The following EXOC2 variants were observed in gnomAD, a reference collection of about 807,000 sequenced individuals.
The protein encoded by EXOC2 is exocyst complex component 2.
EXOC2 carries 70 observed loss-of-function variants against 131.8 expected under a neutral mutation model. The observed-to-expected ratio is 0.53, with a 90% CI of 0.44 to 0.65. The LOEUF is 0.65. EXOC2 is among the 30% of genes least tolerant of loss of function. The pLI is 0.00. For synonymous variants in EXOC2, 411 were observed against 398.4 expected, an observed-to-expected ratio of 1.03 and a Z score of -0.38; for missense variants, 923 against 1,108.6, an observed-to-expected ratio of 0.83 and a Z score of 2.38.
At chr6:649,481 T>C (rs1406693689) in intron 1 of EXOC2, among the ~76,000 whole-genome samples, 1 of 152,102 alleles carries the variant, frequency 6.6e-6, no homozygotes, top group Non-Finnish European at 1.5e-5. Context: ...CACACTTACG[T>C]ACTATCCATT....
intron 5 of EXOC2, among the ~76,000 whole-genome samples, chr6:618,965 T>C (rs899485072): frequency 6.6e-6 from 1 of 152,254 alleles, no homozygotes; most frequent in Non-Finnish European, 1.5e-5. Flanking sequence ...AAATTGGATA[T>C]ATGACCTTGT....
intron 22 of EXOC2, among the ~76,000 whole-genome samples, chr6:546,426 G>A (rs988803062): frequency 6.6e-6 from 1 of 152,168 alleles, no homozygotes; most frequent in Non-Finnish European, 1.5e-5. Context: ...ATTCAATGTG[G>A]TTTCATAAAG....
At chr6:605,157 A>T (rs1760331926) in intron 7 of EXOC2, among the ~76,000 whole-genome samples, 1 of 152,188 alleles carries the variant, frequency 6.6e-6, no homozygotes, top group Admixed American at 6.5e-5. Flanking sequence ...TATTCTTACT[A>T]CTCAGAGAGG....
intron 21 of EXOC2, among the ~76,000 whole-genome samples, chr6:550,310 G>A (rs1474924700): frequency 6.6e-6 from 1 of 152,060 alleles, no homozygotes; most frequent in Admixed American, 6.5e-5. Flanking sequence ...TTGGATATGT[G>A]AAAAAAGATA....
At chr6:645,591 CT>C (rs70985807) in intron 1 of EXOC2, among the ~76,000 whole-genome samples, 101,773 of 151,160 alleles carry the variant, frequency 0.67, 34,597 homozygotes, top group Middle Eastern at 0.81. Flanking sequence ...GGAAGCAACC[CT>C]TTTTTTTTTG....
intron 1 of EXOC2, among the ~76,000 whole-genome samples, chr6:665,917 A>G (rs1763624552): frequency 6.6e-6 from 1 of 152,140 alleles, no homozygotes; most frequent in Non-Finnish European, 1.5e-5. Flanking sequence ...CTGTACCCCA[A>G]TAACTTACAG....
intron 17 of EXOC2, among the ~76,000 whole-genome samples, chr6:557,171 C>G (rs189952188): frequency 6.6e-6 from 1 of 152,216 alleles, no homozygotes; most frequent in South Asian, 2.1e-4. Flanking sequence ...CCAGGAACTA[C>G]TCTAGGTTAA....
chr6:548,274 AG>A (rs1291172613), intron 22 of EXOC2, among the ~76,000 whole-genome samples: 1 of 152,216 alleles, frequency 6.6e-6, no homozygotes, highest in Non-Finnish European at 1.5e-5. Context: ...ATCCCAATGT[AG>A]TTCACGAACT....
At chr6:573,002 A>G (rs867640315) in intron 12 of EXOC2, among the ~76,000 whole-genome samples, 26 of 152,212 alleles carry the variant, frequency 1.7e-4, no homozygotes, top group African/African-American at 6.0e-4. Flanking sequence ...CTCTTCAAAA[A>G]GTCCCGCCTT....
chr6:604,798 C>T (rs577571565), intron 7 of EXOC2, among the ~76,000 whole-genome samples: 5 of 151,460 alleles, frequency 3.3e-5, no homozygotes, highest in South Asian at 2.1e-4. Flanking sequence ...GCTGGCCCCG[C>T]GGGGACACAC....
intron 11 of EXOC2, among the ~76,000 whole-genome samples, chr6:580,282 T>C (rs1386944944): frequency 6.6e-6 from 1 of 152,210 alleles, no homozygotes; most frequent in Non-Finnish European, 1.5e-5. Flanking sequence ...CCTTGTGATC[T>C]GCCTGCGTCA....
chr6:545,814 G>T (rs9918468), intron 22 of EXOC2, among the ~76,000 whole-genome samples: 25,669 of 151,944 alleles, frequency 0.17, 2,651 homozygotes, highest in East Asian at 0.51. Flanking sequence ...TAACCTTAAG[G>T]TTACTAGTAT....
intron 1 of EXOC2, among the ~76,000 whole-genome samples, chr6:664,960 C>CT (rs1581655763): frequency 6.6e-6 from 1 of 152,084 alleles, no homozygotes; most frequent in African/African-American, 2.4e-5. Context: ...AACTAAAGAG[C>CT]TTTTGCATGG....
chr6:495,390 C>A (rs1025481346), intron 25 of EXOC2, among the ~76,000 whole-genome samples: 7 of 152,070 alleles, frequency 4.6e-5, no homozygotes, highest in Admixed American at 4.6e-4. Flanking sequence ...TCCCAAAGTG[C>A]TGGGATTACA....
intron 25 of EXOC2, among the ~76,000 whole-genome samples, chr6:495,893 C>CT (rs60591084): frequency 2.0e-5 from 3 of 152,022 alleles, no homozygotes; most frequent in Non-Finnish European, 4.4e-5. Flanking sequence ...GCTCCGCTTG[C>CT]TTTTTTCCCC....
At chr6:613,554 A>G (rs1465417083) in intron 6 of EXOC2, among the ~76,000 whole-genome samples, 1 of 152,154 alleles carries the variant, frequency 6.6e-6, no homozygotes, top group African/African-American at 2.4e-5. Flanking sequence ...GACCAGAAAC[A>G]TTTTCCAATG....
chr6:516,909 G>A (rs757162179), intron 23 of EXOC2, among the ~76,000 whole-genome samples: 3 of 152,174 alleles, frequency 2.0e-5, no homozygotes, highest in East Asian at 1.9e-4. Context: ...CTTCCCCAGC[G>A]CCTCACTGAC....
At position 564,134 on chromosome 6, in the gene EXOC2, G is replaced by A. The variant is rs769995446; in HGVS notation, c.1688C>T (p.Thr563Ile). 1 of 1,614,058 alleles carries A rather than the reference G, an allele frequency of 6.2e-7. No homozygotes were observed. The highest frequency in any genetic ancestry group is 8.5e-7 in the Non-Finnish European group (1 of 1,179,988). The stretch of plus-strand genomic sequence containing the variant: ...CAGGTCATTAGGAATTTCAAGGGCA[G>A]TCAACGATTCATGAGTAAGTCTGCG... ...QTVRLTHESL[T>I]ALEIPNDLLQ... Residue 563 changes from threonine to isoleucine, a missense_variant, in exon 16 of 28, where the codon ACT (threonine) becomes ATT (isoleucine). Physicochemically the swap from Thr to Ile is moderately conservative, Grantham distance 89 (BLOSUM62 -1). Transcript: ENST00000230449.
At chr6:664,823 A>G (rs978740051) in intron 1 of EXOC2, among the ~76,000 whole-genome samples, 1 of 152,240 alleles carries the variant, frequency 6.6e-6, no homozygotes, top group Non-Finnish European at 1.5e-5. Context: ...TAAGACCTGA[A>G]ACTATAAAAA....
Sources: gnomAD v4.1 joint callset for allele counts (sites outside exome capture counted in the v4.1 genomes callset) on GRCh38, gnomAD v4.1.1 for gene constraint, MANE v1.5 for transcripts, NCBI Gene and HGNC (gene_info 2026-07-23, HGNC 2026-07-21) for gene names.